Variants in AMOTL1 observed in about 807,000 individuals in gnomAD.
AMOTL1 encodes angiomotin like 1.
In AMOTL1, 45 loss-of-function variants were observed where a neutral mutation model predicts 102.9. That is an observed-to-expected ratio of 0.44 (90% CI 0.34 to 0.56). The LOEUF (loss-of-function observed/expected upper bound fraction) is 0.56, where lower values mean the gene tolerates loss of function less well. Ranked by LOEUF, AMOTL1 falls within the 20% of genes least tolerant of loss-of-function variation. The pLI is 0.01. For missense variants in AMOTL1, 1,114 were observed against 1,225.6 expected (o/e 0.91, Z 1.36); for synonymous variants, 481 against 484.7 (o/e 0.99, Z 0.10).
At chr11:94,741,363 G>T (rs1220570053) in intron 3 of AMOTL1, among the ~76,000 whole-genome samples, 3 of 152,208 alleles carry the variant, frequency 2.0e-5, no homozygotes, top group Non-Finnish European at 2.9e-5. Context: ...GGAGGACACA[G>T]CGGCGACTGG....
At chr11:94,759,838 C>A (rs923504477) in intron 3 of AMOTL1, among the ~76,000 whole-genome samples, 2 of 152,230 alleles carry the variant, frequency 1.3e-5, no homozygotes, top group Admixed American at 1.3e-4. Flanking sequence ...TGTACAATAT[C>A]ATGTGCCTGT....
intron 3 of AMOTL1, among the ~76,000 whole-genome samples, chr11:94,741,563 T>C (rs779562129): frequency 1.3e-5 from 2 of 152,140 alleles, no homozygotes; most frequent in East Asian, 1.9e-4. Context: ...TCCATCCTCA[T>C]GCCTGTCATG....
At chr11:94,735,470 CT>C (rs1950424978) in intron 2 of AMOTL1, among the ~76,000 whole-genome samples, 1 of 152,220 alleles carries the variant, frequency 6.6e-6, no homozygotes, top group Non-Finnish European at 1.5e-5. Flanking sequence ...ATGTGTTACC[CT>C]TTAAACACTT....
chr11:94,795,011 G>T lies in AMOTL1; in HGVS notation c.50G>T (p.Gly17Val), dbSNP rs1273834338. ...ATTCACTTCGCTTTCTTTCCCCCAG[G>T]GTCCCCTTCTGCTTGTTATAGCCCC... ...RRGTCEPAVK[G>V]SPSACYSPSS... Residue 17 changes from glycine to valine, a missense_variant and splice_region_variant, in exon 2 of 13, where the codon GGG becomes GTG. Coordinates refer to ENST00000433060, the MANE Select transcript of AMOTL1 (RefSeq NM_130847.3). The T allele has an allele frequency of 6.3e-7, 1 of 1,599,494 alleles. No individual in the cohort carries two copies. The highest frequency in any genetic ancestry group is 8.5e-7 in the Non-Finnish European group (1 of 1,175,398).
chr11:94,850,081 A>G, intron 6 of AMOTL1, 33 bp from the exon 7 acceptor site: 1 of 1,561,156 alleles, frequency 6.4e-7, no homozygotes, highest in Non-Finnish European at 8.7e-7. Context: ...GCAATTTCTG[A>G]TAGAGGTAGT....
intron 1 of AMOTL1, among the ~76,000 whole-genome samples, chr11:94,707,420 T>C (rs1322327553): frequency 6.6e-6 from 1 of 152,080 alleles, no homozygotes; most frequent in Admixed American, 6.5e-5. Context: ...ATCTTGTTTA[T>C]GACAGAGGTG....
At chr11:94,825,352 C>T (rs548109060) in intron 4 of AMOTL1, among the ~76,000 whole-genome samples, 250 of 152,302 alleles carry the variant, frequency 1.6e-3, no homozygotes, top group Admixed American at 2.8e-3. Context: ...TCCTGTGGAT[C>T]CCTGAGTGTT....
intron 2 of AMOTL1, among the ~76,000 whole-genome samples, chr11:94,798,415 T>C (rs892513847): frequency 6.6e-6 from 1 of 152,094 alleles, no homozygotes; most frequent in African/African-American, 2.4e-5. Flanking sequence ...GTCTGGATGT[T>C]GGGGTAAAGG....
intron 1 of AMOTL1, among the ~76,000 whole-genome samples, chr11:94,780,791 A>G (rs1951098767): frequency 6.6e-6 from 1 of 152,242 alleles, no homozygotes; most frequent in Admixed American, 6.5e-5. Context: ...AATGGGTACC[A>G]AGAAATTAAA....
At chr11:94,828,523 TC>T (rs1415688250) in intron 4 of AMOTL1, among the ~76,000 whole-genome samples, 2 of 152,084 alleles carry the variant, frequency 1.3e-5, no homozygotes, top group African/African-American at 2.4e-5. Flanking sequence ...TTAAAGTCCT[TC>T]CTTCTGGCCC....
intron 3 of AMOTL1, among the ~76,000 whole-genome samples, chr11:94,809,812 TAA>T (rs761656080): frequency 1.2e-4 from 19 of 152,180 alleles, no homozygotes; most frequent in Non-Finnish European, 2.1e-4. Flanking sequence ...AAAATTTACT[TAA>T]GTCACATAAA....
At position 94,799,229 on chromosome 11, in the gene AMOTL1, A is replaced by G. The variant is rs1951422082; in HGVS notation, c.200-161A>G. On this transcript the variant is annotated intron_variant, in intron 2 of 12. Transcript: ENST00000433060. This position sits in a 1 kb window ranked among gnomAD's most constrained non-coding sequence, Gnocchi z 4.5. ...AGACTCGCTTTGAATTGGAGAAGAA[A>G]ATTCCATGAGACATTGCCAGGTAAA... Among the ~76,000 whole-genome samples, 1 of 152,032 alleles carries G rather than the reference A, an allele frequency of 6.6e-6. No individual in the cohort carries two copies. Among genetic ancestry groups the G allele is most frequent in the Non-Finnish European group, 1.5e-5 (1 of 67,994 alleles).
intron 1 of AMOTL1, among the ~76,000 whole-genome samples, chr11:94,722,188 G>A (rs999069644): frequency 1.3e-5 from 2 of 151,954 alleles, no homozygotes; most frequent in African/African-American, 4.8e-5. Flanking sequence ...TCCCTTTCTA[G>A]AACTAGCACA....
intron 3 of AMOTL1, among the ~76,000 whole-genome samples, chr11:94,807,753 A>G (rs897205330): frequency 6.6e-6 from 1 of 151,852 alleles, no homozygotes; most frequent in African/African-American, 2.4e-5. Flanking sequence ...TGTCACTGTT[A>G]CTGATTAGAA....
At chr11:94,744,643 A>G (rs190953770) in intron 3 of AMOTL1, among the ~76,000 whole-genome samples, 27 of 152,178 alleles carry the variant, frequency 1.8e-4, no homozygotes, top group East Asian at 1.7e-3. Context: ...TTTTTCCTCA[A>G]TGTAATTTTT....
chr11:94,802,447 A>C lies in AMOTL1; in HGVS notation c.1121+2136A>C, dbSNP rs183579354. On this transcript the variant is annotated intron_variant, in intron 3 of 12. Coordinates refer to ENST00000433060, the MANE Select transcript of AMOTL1 (RefSeq NM_130847.3). ...TTACTATTTGTAAAGTAATATGTAC[A>C]TACCGTGCAATGCATACAGTGGATC... Among the ~76,000 whole-genome samples, 3 of 152,210 alleles carry C rather than the reference A, an allele frequency of 2.0e-5. No individual in the cohort carries two copies. In the East Asian group the frequency reaches 5.8e-4, roughly 29 times the overall value.
intron 3 of AMOTL1, among the ~76,000 whole-genome samples, chr11:94,820,679 A>G (rs1951848068): frequency 6.6e-6 from 1 of 152,150 alleles, no homozygotes; most frequent in South Asian, 2.1e-4. Context: ...TAATTATGCA[A>G]CTCACCATAA....
At chr11:94,796,362 A>G (rs1038283491) in intron 2 of AMOTL1, among the ~76,000 whole-genome samples, 3 of 152,186 alleles carry the variant, frequency 2.0e-5, no homozygotes, top group African/African-American at 7.2e-5. Flanking sequence ...TTCCTCAACA[A>G]TCATGTCCTG....
At chr11:94,772,107 C>T (rs994590951) in intron 1 of AMOTL1, among the ~76,000 whole-genome samples, 6 of 152,142 alleles carry the variant, frequency 3.9e-5, no homozygotes, top group African/African-American at 1.4e-4. Context: ...GTACCCTTCA[C>T]CCAGTTTCCC....
Sources: allele counts gnomAD v4.1 joint callset (sites outside exome capture counted in the v4.1 genomes callset), GRCh38; gene constraint gnomAD v4.1.1; non-coding constraint Gnocchi (gnomAD v3.1); transcripts MANE v1.5; gene names NCBI Gene and HGNC (gene_info 2026-07-23, HGNC 2026-07-21).